Variants in IST1 observed in about 807,000 individuals in gnomAD.
The protein encoded by IST1 is IST1 factor associated with ESCRT-III.
In IST1, 23 loss-of-function variants were observed where a neutral mutation model predicts 37.0. The ratio of observed to expected loss-of-function variants is 0.62; its 90% CI spans 0.45 to 0.88. The LOEUF (loss-of-function observed/expected upper bound fraction) is 0.88. Ranked by LOEUF, IST1 falls within the 40% of genes least tolerant of loss-of-function variation. IST1 has a pLI of 0.00. For missense variants in IST1, 488 were observed against 445.4 expected (o/e 1.10, Z -0.86); for synonymous variants, 180 against 161.7 (o/e 1.11, Z -0.86).
chr16:71,908,504 C>G (rs1432188560), intron 1 of IST1, among the ~76,000 whole-genome samples: 1 of 151,948 alleles, frequency 6.6e-6, no homozygotes, highest in Non-Finnish European at 1.5e-5. Flanking sequence ...ACCATGTTGG[C>G]CAGGCTGGTC....
intron 4 of IST1, among the ~76,000 whole-genome samples, chr16:71,919,637 C>G (rs949506621): frequency 3.9e-5 from 6 of 152,232 alleles, no homozygotes; most frequent in African/African-American, 1.4e-4. Flanking sequence ...AGTGATCAGC[C>G]TGCCTCAGCC....
At chr16:71,896,806 C>T (rs1193529982) in intron 1 of IST1, among the ~76,000 whole-genome samples, 1 of 151,924 alleles carries the variant, frequency 6.6e-6, no homozygotes, top group East Asian at 1.9e-4. Flanking sequence ...ATAGCAAAAT[C>T]CCGTTCTCTA....
chr16:71,917,913 A>G (rs1053325754), intron 4 of IST1, among the ~76,000 whole-genome samples: 6 of 151,412 alleles, frequency 4.0e-5, no homozygotes, highest in East Asian at 3.9e-4. Flanking sequence ...CATTTTTCCT[A>G]TTTCTTAGTT....
chr16:71,896,591 G>C (rs1282362469), intron 1 of IST1, among the ~76,000 whole-genome samples: 1 of 152,016 alleles, frequency 6.6e-6, no homozygotes, highest in East Asian at 1.9e-4. Context: ...TTTCCCAGTA[G>C]AAGCCTTTTG....
At chr16:71,894,829 G>C (rs2036930351), upstream of IST1, 2 of 1,534,300 alleles carry the variant, frequency 1.3e-6, no homozygotes, top group African/African-American at 1.4e-5. Flanking sequence ...GGCTTAAGCA[G>C]CGATAATGGT....
intron 1 of IST1, among the ~76,000 whole-genome samples, chr16:71,896,816 A>C (rs1402924150): frequency 1.3e-5 from 2 of 152,076 alleles, no homozygotes; most frequent in Admixed American, 6.6e-5. Context: ...CCCGTTCTCT[A>C]CAAAAATAAA....
At chr16:71,907,188 T>A (rs770746811) in intron 1 of IST1, among the ~76,000 whole-genome samples, 8 of 31,298 alleles carry the variant, frequency 2.6e-4, no homozygotes, top group African/African-American at 1.2e-3. Flanking sequence ...TTTTTCTTTC[T>A]TTTTTTTTTT....
In IST1 at chr16:71,919,819, T is replaced by C. The variant is rs536055866; in HGVS notation, c.358-920T>C. Among the ~76,000 whole-genome samples, 7 of 152,350 alleles carry C rather than the reference T, an allele frequency of 4.6e-5. No individual in the cohort carries two copies. The South Asian group carries it at 1.2e-3, about 27-fold the overall frequency. ...TGGTGCACCTTCCCTTGGTATCACTTACTGTAGTTGCAGTTGTACCTTTAT... is the reference window on the plus strand; with the variant it reads ...TGGTGCACCTTCCCTTGGTATCACTCACTGTAGTTGCAGTTGTACCTTTAT... On this transcript the variant is annotated intron_variant, in intron 4 of 9. Transcript: ENST00000378799.
At position 71,916,363 on chromosome 16, in the gene IST1, A is replaced by G. The variant is rs558288843; in HGVS notation, c.89-99A>G. ...TGCTAAAGGAGAGGAGCTAGGATAT[A>G]GTAGAAACACCCAGTTCTTCCTGTT... On this transcript the variant is annotated intron_variant, in intron 2 of 9. Coordinates refer to ENST00000378799, the MANE Select transcript of IST1 (RefSeq NM_001270975.2). The G allele has an allele frequency of 1.7e-3, 1,949 of 1,146,842 alleles. 5 individuals carry two copies. The highest frequency in any genetic ancestry group is 2.1e-3 in the Non-Finnish European group (1,683 of 787,980). The allele number at this position is 1,146,842 out of a possible 1,614,324, so 71.0% of individuals were successfully genotyped here. A position where few individuals can be genotyped will look rare whatever the true frequency, so the allele number is the denominator to read the frequency against.
intron 1 of IST1, among the ~76,000 whole-genome samples, chr16:71,912,876 A>C (rs937218456): frequency 1.3e-5 from 2 of 152,144 alleles, no homozygotes; most frequent in African/African-American, 2.4e-5. Context: ...GGCTTATTTC[A>C]CTTACCATGA....
chr16:71,912,921 T>G (rs2037389672), intron 1 of IST1, among the ~76,000 whole-genome samples: 1 of 152,220 alleles, frequency 6.6e-6, no homozygotes, highest in South Asian at 2.1e-4. Flanking sequence ...TAGCATGTGA[T>G]GGGTAGGATT....
In IST1 at chr16:71,921,424, G is replaced by A. The variant is rs141142021; in HGVS notation, c.523G>A (p.Val175Ile). Residue 175 changes from valine to isoleucine, a missense_variant, in exon 6 of 10, where the codon GTA becomes ATA. This residue lies in a region of IST1 where 455 missense variants were observed against 386.2 expected (regional missense o/e 1.18). Coordinates refer to ENST00000378799, the MANE Select transcript of IST1 (RefSeq NM_001270975.2). ...YLIEIAKNYN[V>I]PYEPDSVVMA... ...GATTGAAATTGCAAAGAATTACAAC[G>A]TACCCTATGAACCTGACTCTGTGGT... The A allele has an allele frequency of 2.8e-5, 45 of 1,611,544 alleles. No homozygotes were observed. In the African/African-American group the frequency reaches 3.1e-4, roughly 11 times the overall value.
Position 71,930,729 on chromosome 16 carries a change from A to G in IST1, c.*2916A>G, listed in dbSNP as rs1184754523. 1 of 152,148 alleles carries G rather than the reference A, an allele frequency of 6.6e-6. No individual in the cohort carries two copies. Among genetic ancestry groups the G allele is most frequent in the Non-Finnish European group, 1.5e-5 (1 of 68,034 alleles). The allele number at this position is 152,148 out of a possible 1,614,324, so 9.4% of individuals were successfully genotyped here. A position where few individuals can be genotyped will look rare whatever the true frequency, so the allele number is the denominator to read the frequency against. ...ATTCTTTACTTTTCTGCATACATAA[A>G]TATCAAGTTCTGGGCTTATTGGAAT... On this transcript the variant is annotated 3_prime_UTR_variant, in exon 10 of 10. Coordinates refer to ENST00000378799, the MANE Select transcript of IST1 (RefSeq NM_001270975.2).
Position 71,922,469 on chromosome 16 carries a change from C to G in IST1, c.553-5C>G, listed in dbSNP as rs1454661104. On this transcript the variant is annotated splice_region_variant and splice_polypyrimidine_tract_variant and intron_variant, in intron 6 of 9. Coordinates refer to ENST00000378799, the MANE Select transcript of IST1 (RefSeq NM_001270975.2). ...TAATGACCTGGGTTTCTCTTTTTTT[C>G]TCAGGCAGAAGCTCCTCCTGGGGTA... 1.2e-6 allele frequency: 2 copies of G among 1,609,514 alleles called. No homozygotes were observed. Among genetic ancestry groups the G allele is most frequent in the South Asian group, 1.1e-5 (1 of 90,372 alleles).
At chr16:71,895,971 CGGAGAGACTTCG>C (rs1262572040) in intron 1 of IST1, among the ~76,000 whole-genome samples, 2 of 152,232 alleles carry the variant, frequency 1.3e-5, no homozygotes, top group Non-Finnish European at 2.9e-5. Flanking sequence ...TTTTCTGGCC[CGGAGAGACTTCG>C]GGAAGGTCAG....
In IST1 at chr16:71,929,218, G is replaced by C; in HGVS notation, c.*1405G>C. 4.6e-6 allele frequency: 1 copy of C among 216,002 alleles called. No homozygotes were observed. Among genetic ancestry groups the C allele is most frequent in the South Asian group, 8.4e-5 (1 of 11,850 alleles). The allele number at this position is 216,002 out of a possible 1,614,324, so 13.4% of individuals were successfully genotyped here. On this transcript the variant is annotated 3_prime_UTR_variant, in exon 10 of 10. Transcript: ENST00000378799. ...AGTGGCAGGGCTCCGCATCTGCCATGCCTCATCCTTGGATGTTTATTTTTA... is the reference window on the plus strand; with the variant it reads ...AGTGGCAGGGCTCCGCATCTGCCATCCCTCATCCTTGGATGTTTATTTTTA...
In IST1 at chr16:71,917,153, A is replaced by G; in HGVS notation, c.357+19A>G. 6.9e-6 allele frequency: 10 copies of G among 1,445,470 alleles called. No individual in the cohort carries two copies. Among genetic ancestry groups the G allele is most frequent in the Non-Finnish European group, 9.7e-6 (10 of 1,032,740 alleles). The allele number at this position is 1,445,470 out of a possible 1,614,324, so 89.5% of individuals were successfully genotyped here. A position where few individuals can be genotyped will look rare whatever the true frequency, so the allele number is the denominator to read the frequency against. ...GAAAATAGTGAGTACAAGTAGTTTC[A>G]GTGATGTCTGTAGCTTTTCATATTG... is the stretch of plus-strand genomic sequence containing the variant. On this transcript the variant is annotated intron_variant, in intron 4 of 9. Transcript: ENST00000378799.
intron 4 of IST1, among the ~76,000 whole-genome samples, chr16:71,919,320 G>T (rs990434388): frequency 2.7e-5 from 4 of 147,076 alleles, no homozygotes; most frequent in Non-Finnish European, 6.2e-5. Context: ...TCTGCCAGAG[G>T]CCTTTGCACT....
At chr16:71,923,040 C>G (rs1597255697) in intron 7 of IST1, 6 of 467,092 alleles carry the variant, frequency 1.3e-5, no homozygotes, top group Non-Finnish European at 2.3e-5. Flanking sequence ...GTAAGAAAGT[C>G]TCGTTAGAGT....
Sources: gnomAD v4.1 joint callset for allele counts (sites outside exome capture counted in the v4.1 genomes callset) on GRCh38, gnomAD v4.1.1 for gene constraint, gnomAD v4.1.1 regional missense constraint, MANE v1.5 for transcripts, NCBI Gene and HGNC (gene_info 2026-07-23, HGNC 2026-07-21) for gene names.